Variants in NELFA observed in about 807,000 individuals in gnomAD.
NELFA encodes the protein negative elongation factor complex member A.
Under a neutral mutation model 51.8 loss-of-function variants are expected in NELFA, and 35 were observed. The ratio of observed to expected loss-of-function variants is 0.68; its 90% confidence interval spans 0.52 to 0.90. The LOEUF (loss-of-function observed/expected upper bound fraction) is 0.90. Ranked by LOEUF, NELFA falls within the 40% of genes least tolerant of loss-of-function variation. The pLI, the probability that NELFA is intolerant of heterozygous loss-of-function variation, is 0.00. For synonymous variants in NELFA, 417 were observed against 338.4 expected (o/e 1.23, Z -2.55); for missense variants, 658 against 746.4 (o/e 0.88, Z 1.38).
chr4:2,006,004 C>T (rs548496611), intron 1 of NELFA, among the ~76,000 whole-genome samples: 8 of 152,154 alleles, frequency 5.3e-5, no homozygotes, highest in Non-Finnish European at 8.8e-5. Context: ...ATATAAGATA[C>T]ATGTGGAAGT....
intron 7 of NELFA, 45 bp downstream of exon 7, chr4:1,985,731 G>T: frequency 2.0e-6 from 3 of 1,517,252 alleles, no homozygotes; most frequent in Non-Finnish European, 2.7e-6. Context: ...AACAAAAGGG[G>T]CACCCGCAGT....
chr4:1,991,978 C>A, intron 1 of NELFA: 1 of 431,648 alleles, frequency 2.3e-6, no homozygotes, highest in Non-Finnish European at 4.1e-6. Context: ...CCAGCAGCAC[C>A]CAGTCCACTG....
Position 1,989,964 on chromosome 4 carries a change from G to T in NELFA, c.383-95C>A. The T allele has an allele frequency of 6.9e-7, 1 of 1,449,912 alleles. No homozygotes were observed. The allele number at this position is 1,449,912 out of a possible 1,614,324, so 89.8% of individuals were successfully genotyped here. A position where few individuals can be genotyped will look rare whatever the true frequency, so the allele number is the denominator to read the frequency against. ...GCTGCCCAGCCCCACACCCTCCTCAGTTAGGGTTAGGTCATGGGAGCTTCG... is the reference window on the plus strand; with the variant it reads ...GCTGCCCAGCCCCACACCCTCCTCATTTAGGGTTAGGTCATGGGAGCTTCG... On this transcript the variant is annotated intron_variant, in intron 2 of 10. Transcript: ENST00000382882. The surrounding 1 kb of genome is among the most constrained non-coding windows in gnomAD (Gnocchi z 4.8).
At chr4:1,996,661 T>C (rs1728430777) in intron 1 of NELFA, among the ~76,000 whole-genome samples, 2 of 152,228 alleles carry the variant, frequency 1.3e-5, no homozygotes, top group South Asian at 4.1e-4. Context: ...GCTGGTCATA[T>C]TGGCTCATGC....
Position 1,983,957 on chromosome 4 carries a change from G to A in NELFA, c.1193C>T (p.Thr398Ile). 1 of 1,611,740 alleles carries A rather than the reference G, an allele frequency of 6.2e-7. No individual in the cohort carries two copies. The highest frequency in any genetic ancestry group is 8.5e-7 in the Non-Finnish European group (1 of 1,179,598). ...PAAPTSPLTP[T>I]TPPAVAPTTQ... is the part of the protein sequence containing the mutation. ...GGTAGGGGCGACAGCCGGAGGTGTGGTGGGTGTCAGAGGCGAGGTGGGCGC... is the reference window on the plus strand; with the variant it reads ...GGTAGGGGCGACAGCCGGAGGTGTGATGGGTGTCAGAGGCGAGGTGGGCGC... Residue 398 changes from threonine (T) to isoleucine (I), a missense_variant, in exon 9 of 11, where the codon ACC becomes ATC. Physicochemically the swap from Thr to Ile is moderately conservative, Grantham distance 89 (BLOSUM62 -1). Transcript: ENST00000382882.
intron 4 of NELFA, 22 bp from the exon 5 acceptor site, chr4:1,986,424 G>T (rs1728098288): frequency 6.2e-7 from 1 of 1,612,346 alleles, no homozygotes. Context: ...CAACAGTCAG[G>T]GCGCCAGCAG....
At position 1,989,353 on chromosome 4, in the gene NELFA, A is replaced by G. The variant is rs1461904237; in HGVS notation, c.544+355T>C. 6.6e-6 allele frequency among the ~76,000 whole-genome samples: 1 copy of G among 151,688 alleles called. No homozygotes were observed. The highest frequency in any genetic ancestry group is 1.5e-5 in the Non-Finnish European group (1 of 67,850). ...AACTTTATCTTCTTTTTCTTGAGAC[A>G]GGGTCTCACTCTCTCCCAGGCTGGA... is the stretch of plus-strand genomic sequence containing the variant. On this transcript the variant is annotated intron_variant, in intron 3 of 10. Transcript: ENST00000382882. The surrounding 1 kb of genome is among the most constrained non-coding windows in gnomAD (Gnocchi z 4.8).
chr4:1,987,906 T>TGG lies in NELFA; in HGVS notation c.634+10_634+11dup. The stretch of plus-strand genomic sequence containing the variant: ...AAAAGCAAGGCTCACGGCACCAGGG[T>TGG]GGGGGCCTTACTGGTGGTGTCCATC... On this transcript the variant is annotated intron_variant, in intron 4 of 10. Coordinates refer to ENST00000382882, the MANE Select transcript of NELFA (RefSeq NM_005663.5). 1.3e-6 allele frequency: 2 copies of TGG among 1,595,402 alleles called. No homozygotes were observed. Among genetic ancestry groups the TGG allele is most frequent in the Non-Finnish European group, 1.7e-6 (2 of 1,172,042 alleles).
intron 1 of NELFA, 131 bp downstream of exon 1, chr4:2,008,619 G>T: frequency 9.5e-7 from 1 of 1,051,430 alleles, no homozygotes; most frequent in Non-Finnish European, 1.3e-6. Context: ...AGGGCGGGCC[G>T]GGGGGGTTAA....
At position 1,983,645 on chromosome 4, in the gene NELFA, G is replaced by A. The variant is rs1198873257; in HGVS notation, c.1353C>T (p.Val451=). The A allele has an allele frequency of 1.9e-6, 3 of 1,613,970 alleles. No individual in the cohort carries two copies. In the African/African-American group the frequency reaches 4.0e-5, roughly 22 times the overall value. Residue 451 remains valine (V), a synonymous_variant, in exon 10 of 11, where the codon GTC becomes GTT. Transcript: ENST00000382882. ...GGATGAGGGCCTTCTCGGGCCGCGT[G>A]ACTTTGTTGGCCGTCTTGAACATCT... ...AQEMFKTANK[V]TRPEKALILG... is the part of the protein sequence containing the mutation.
intron 1 of NELFA, among the ~76,000 whole-genome samples, chr4:1,993,564 G>A (rs1378088071): frequency 2.1e-5 from 3 of 143,770 alleles, no homozygotes; most frequent in African/African-American, 7.8e-5. Context: ...GGCAACAAGA[G>A]CGAAACTCCA....
intron 1 of NELFA, among the ~76,000 whole-genome samples, chr4:2,006,768 CAAAAAAAAAAAAAA>C (rs57055347): frequency 5.4e-4 from 43 of 79,808 alleles, no homozygotes; most frequent in South Asian, 1.4e-3. Flanking sequence ...GACGCTGTCT[CAAAAAAAAAAAAAA>C]AAAAAAAAAA....
At chr4:1,998,365 G>A (rs1475169152) in intron 1 of NELFA, among the ~76,000 whole-genome samples, 1 of 152,002 alleles carries the variant, frequency 6.6e-6, no homozygotes, top group Non-Finnish European at 1.5e-5. Context: ...AACTAAAGGA[G>A]CATGTTCTAT....
intron 1 of NELFA, among the ~76,000 whole-genome samples, chr4:1,996,613 C>T (rs1577624158): frequency 1.3e-5 from 2 of 152,310 alleles, no homozygotes; most frequent in South Asian, 2.1e-4. Flanking sequence ...GAAATAATCA[C>T]TATACATGCT....
At chr4:2,008,643 G>A (rs1374220410) in intron 1 of NELFA, 107 bp downstream of exon 1, 84 of 1,322,920 alleles carry the variant, frequency 6.3e-5, no homozygotes, top group Non-Finnish European at 8.0e-5. Context: ...TCTGAAGGGG[G>A]ATGGGAAGGT....
At chr4:2,007,725 T>C (rs867901346) in intron 1 of NELFA, among the ~76,000 whole-genome samples, 1 of 152,330 alleles carries the variant, frequency 6.6e-6, no homozygotes, top group East Asian at 1.9e-4. Context: ...TCTCCACCTG[T>C]GTAAGGATCA....
chr4:1,999,999 G>C (rs1311460920), intron 1 of NELFA, among the ~76,000 whole-genome samples: 1 of 152,160 alleles, frequency 6.6e-6, no homozygotes, highest in Non-Finnish European at 1.5e-5. Context: ...CATGGAAATT[G>C]AACAACCTGC....
chr4:1,986,230 A>AACGGGCCCCGGGGTGCC, intron 5 of NELFA, 42 bp downstream of exon 5: 1 of 1,563,938 alleles, frequency 6.4e-7, no homozygotes, highest in Non-Finnish European at 8.7e-7. Flanking sequence ...ACCAGGGCGC[A>AACGGGCCCCGGGGTGCC]ACGGGCCCCG....
chr4:1,990,147 T>G, intron 2 of NELFA: 1 of 490,370 alleles, frequency 2.0e-6, no homozygotes. Flanking sequence ...CAGGCGGACA[T>G]AGATACAGTG....
Sources: allele counts gnomAD v4.1 joint callset (sites outside exome capture counted in the v4.1 genomes callset), GRCh38; gene constraint gnomAD v4.1.1; non-coding constraint Gnocchi (gnomAD v3.1); transcripts MANE v1.5; gene names NCBI Gene and HGNC (gene_info 2026-07-23, HGNC 2026-07-21).